The following OLA1 variants were observed in gnomAD, a reference collection of about 807,000 sequenced individuals.
OLA1 encodes the protein obg-like ATPase 1.
OLA1 carries 14 observed loss-of-function variants against 48.4 expected under a neutral mutation model. The ratio of observed to expected loss-of-function variants is 0.29; its 90% CI spans 0.19 to 0.45. OLA1 has a LOEUF of 0.45. Among genes scored for constraint, OLA1 ranks in the 20% least tolerant of loss-of-function variants. The pLI, the probability that OLA1 is intolerant of heterozygous loss-of-function variation, is 1.00. For missense variants in OLA1, 325 were observed against 467.1 expected (o/e 0.70, Z 2.80); for synonymous variants, 127 against 150.4 (o/e 0.84, Z 1.14).
In OLA1 at chr2:174,185,798, C is replaced by T. The variant is rs144953210; in HGVS notation, c.373+37235G>A. On this transcript the variant is annotated intron_variant, in intron 4 of 10. Coordinates refer to ENST00000284719, the MANE Select transcript of OLA1 (RefSeq NM_013341.5). ...CAAAAATTAGCCAGGTGTGGTAGCA[C>T]GTGCCTGTAGTCCTAGCTACTTGGG... Among the ~76,000 whole-genome samples the T allele has an allele frequency of 2.8e-3, 425 of 152,128 alleles. 1 individual carries two copies. Among genetic ancestry groups the T allele is most frequent in the East Asian group, 6.6e-3 (34 of 5,176 alleles).
At position 174,141,191 on chromosome 2, in the gene OLA1, CA is replaced by C. The variant is rs567968897; in HGVS notation, c.549+633del. Among the ~76,000 whole-genome samples, 21 of 152,308 alleles carry C rather than the reference CA, an allele frequency of 1.4e-4. No individual in the cohort carries two copies. In the East Asian group the frequency reaches 4.1e-3, roughly 29 times the overall value. On this transcript the variant is annotated intron_variant, in intron 5 of 10. Transcript: ENST00000284719. The stretch of plus-strand genomic sequence containing the variant: ...AGGTGATCCACCCGCCTCAGCTTCC[CA>C]AAGTGCTGGGATTATAGGCGTGAGC...
chr2:174,194,011 C>T (rs926116683), intron 4 of OLA1, among the ~76,000 whole-genome samples: 3 of 152,196 alleles, frequency 2.0e-5, no homozygotes, highest in Non-Finnish European at 4.4e-5. Context: ...CGTGCACGCA[C>T]TTTCCTCTCC....
intron 7 of OLA1, among the ~76,000 whole-genome samples, chr2:174,095,582 T>G (rs1380526788): frequency 1.3e-5 from 2 of 152,092 alleles, no homozygotes; most frequent in Non-Finnish European, 2.9e-5. Context: ...TTGACAAAGG[T>G]ACCAAAACAA....
chr2:174,145,413 C>A (rs1180696827), intron 4 of OLA1, among the ~76,000 whole-genome samples: 1 of 152,068 alleles, frequency 6.6e-6, no homozygotes, highest in African/African-American at 2.4e-5. Flanking sequence ...TTCAACTTCA[C>A]ATGAACTAAA....
intron 4 of OLA1, among the ~76,000 whole-genome samples, chr2:174,177,148 T>G (rs1687439081): frequency 6.6e-6 from 1 of 152,146 alleles, no homozygotes; most frequent in South Asian, 2.1e-4. Context: ...TAGATCTCCA[T>G]AGCAACTTCC....
intron 4 of OLA1, among the ~76,000 whole-genome samples, chr2:174,185,016 T>C (rs1312000920): frequency 6.6e-6 from 1 of 152,156 alleles, no homozygotes; most frequent in African/African-American, 2.4e-5. Flanking sequence ...AACAGAAAAG[T>C]TTATTTCTCT....
chr2:174,108,774 A>G (rs1280352967), intron 7 of OLA1, among the ~76,000 whole-genome samples: 2 of 152,206 alleles, frequency 1.3e-5, no homozygotes, highest in Middle Eastern at 3.2e-3. Flanking sequence ...GTCACTTATT[A>G]GGATAAAAGC....
At chr2:174,233,941 TAC>T (rs1688790632) in intron 2 of OLA1, among the ~76,000 whole-genome samples, 1 of 152,302 alleles carries the variant, frequency 6.6e-6, no homozygotes, top group Non-Finnish European at 1.5e-5. Flanking sequence ...GTAAAGCAAA[TAC>T]AGTTAACCCT....
chr2:174,214,227 G>A (rs1688310992), intron 4 of OLA1, among the ~76,000 whole-genome samples: 1 of 152,084 alleles, frequency 6.6e-6, no homozygotes, highest in African/African-American at 2.4e-5. Context: ...CAGCTACTCA[G>A]AGGGCTAAGG....
chr2:174,148,698 G>T (rs1337964086), intron 4 of OLA1, among the ~76,000 whole-genome samples: 1 of 152,142 alleles, frequency 6.6e-6, no homozygotes, highest in African/African-American at 2.4e-5. Flanking sequence ...ACAGGGAAAT[G>T]CATGTCATTT....
At chr2:174,089,532 T>C (rs1312792195) in intron 7 of OLA1, among the ~76,000 whole-genome samples, 3 of 152,152 alleles carry the variant, frequency 2.0e-5, no homozygotes, top group Non-Finnish European at 4.4e-5. Context: ...AAGGAAAATG[T>C]TTGCTCTGAA....
chr2:174,216,489 C>A (rs1232064950), intron 4 of OLA1, among the ~76,000 whole-genome samples: 1 of 152,048 alleles, frequency 6.6e-6, no homozygotes, highest in Non-Finnish European at 1.5e-5. Flanking sequence ...TTCAGACAAA[C>A]AATTAATCTT....
chr2:174,187,025 G>C (rs1273470289), intron 4 of OLA1, among the ~76,000 whole-genome samples: 1 of 152,188 alleles, frequency 6.6e-6, no homozygotes, highest in East Asian at 1.9e-4. Flanking sequence ...CAGTATCACA[G>C]TGAACACATG....
At chr2:174,126,364 A>C (rs1686043429) in intron 5 of OLA1, among the ~76,000 whole-genome samples, 1 of 152,178 alleles carries the variant, frequency 6.6e-6, no homozygotes, top group Non-Finnish European at 1.5e-5. Flanking sequence ...CAATGCATTC[A>C]GAAGTTGCCT....
chr2:174,214,222 A>G (rs1688310912), intron 4 of OLA1, among the ~76,000 whole-genome samples: 1 of 152,066 alleles, frequency 6.6e-6, no homozygotes, highest in South Asian at 2.1e-4. Flanking sequence ...AGTCCCAGCT[A>G]CTCAGAGGGC....
intron 4 of OLA1, among the ~76,000 whole-genome samples, chr2:174,194,245 T>C (rs901138923): frequency 1.3e-5 from 2 of 152,140 alleles, no homozygotes; most frequent in African/African-American, 4.8e-5. Context: ...CCCCATCCAC[T>C]AGTGAAGAAA....
intron 7 of OLA1, 122 bp downstream of exon 7, chr2:174,123,058 A>G: frequency 5.2e-6 from 3 of 579,416 alleles, no homozygotes; most frequent in Non-Finnish European, 9.1e-6. Context: ...TCCATTTTAA[A>G]CTTTTTAATA....
chr2:174,239,403 G>C (rs924784258), intron 2 of OLA1, among the ~76,000 whole-genome samples: 1 of 152,096 alleles, frequency 6.6e-6, no homozygotes, highest in Non-Finnish European at 1.5e-5. Context: ...GTATTGAAAA[G>C]CATATGTCAC....
Position 174,166,240 on chromosome 2 carries a change from T to C in OLA1, c.374-24240A>G, listed in dbSNP as rs531480331. 3.3e-5 allele frequency among the ~76,000 whole-genome samples: 5 copies of C among 152,264 alleles called. No individual in the cohort carries two copies. In the South Asian group the frequency reaches 1.0e-3, roughly 32 times the overall value. The stretch of plus-strand genomic sequence containing the variant: ...TTTGACCTAATTCAGAACATTTCAA[T>C]TCACATACTAAAAATAAGCCAAAGT... On this transcript the variant is annotated intron_variant, in intron 4 of 10. Transcript: ENST00000284719.
Sources: gnomAD v4.1 joint callset for allele counts (sites outside exome capture counted in the v4.1 genomes callset) on GRCh38, gnomAD v4.1.1 for gene constraint, MANE v1.5 for transcripts, NCBI Gene and HGNC (gene_info 2026-07-23, HGNC 2026-07-21) for gene names.